ANKRD45: variants seen among roughly 807,000 people sequenced by gnomAD.
The protein encoded by ANKRD45 is ankyrin repeat domain 45.
A neutral mutation model predicts 28.1 loss-of-function variants in ANKRD45; 21 were observed. That is an observed-to-expected ratio of 0.75 (90% CI 0.53 to 1.08). ANKRD45 has a LOEUF of 1.08. ANKRD45 is among the 50% of genes least tolerant of loss of function. The pLI is 0.00. For synonymous variants in ANKRD45, 86 were observed against 103.9 expected (o/e 0.83, Z 1.05); for missense variants, 261 against 308.7 (o/e 0.85, Z 1.16).
rs1667059646 is a variant in ANKRD45, at chr1:173,609,629, G to C, written c.*516C>G. 6.5e-6 allele frequency: 1 copy of C among 152,898 alleles called. No homozygotes were observed. The highest frequency in any genetic ancestry group is 2.4e-5 in the African/African-American group (1 of 41,432). The allele number at this position is 152,898 out of a possible 1,614,324, so 9.5% of individuals were successfully genotyped here. A position where few individuals can be genotyped will look rare whatever the true frequency, so the allele number is the denominator to read the frequency against. ...AGAAGGAGGTCAAAGATAAAGAGGG[G>C]TTTTACTCAGAGGTATACCCCACCT... On this transcript the variant is annotated 3_prime_UTR_variant, in exon 6 of 6. Coordinates refer to ENST00000333279, the MANE Select transcript of ANKRD45 (RefSeq NM_198493.3).
At chr1:173,622,320 T>C (rs1275379184) in intron 5 of ANKRD45, among the ~76,000 whole-genome samples, 2 of 152,068 alleles carry the variant, frequency 1.3e-5, no homozygotes, top group African/African-American at 4.8e-5. Flanking sequence ...AAAATTCATA[T>C]GGAATAAAAA....
At chr1:173,637,064 T>G in intron 3 of ANKRD45, 1 of 1,358,072 alleles carries the variant, frequency 7.4e-7, no homozygotes, top group Non-Finnish European at 1.0e-6. Context: ...TGTAGCTTAG[T>G]CAATTATAGA....
chr1:173,647,387 G>A (rs967878441), intron 2 of ANKRD45, among the ~76,000 whole-genome samples: 2 of 152,132 alleles, frequency 1.3e-5, no homozygotes, highest in Admixed American at 6.5e-5. Context: ...AACTGGACCT[G>A]TGATTTTAAA....
intron 5 of ANKRD45, among the ~76,000 whole-genome samples, chr1:173,613,636 C>A (rs369321135): frequency 6.8e-6 from 1 of 147,932 alleles, no homozygotes; most frequent in Non-Finnish European, 1.5e-5. Flanking sequence ...CTGCCCCGTC[C>A]GGGAGGGAGG....
chr1:173,689,838 T>G, the ANKRD45 span, among the ~76,000 whole-genome samples: 1 of 152,124 alleles, frequency 6.6e-6, no homozygotes, highest in Non-Finnish European at 1.5e-5. Flanking sequence ...AATGTTTTCA[T>G]CAGGAGGGTG....
At chr1:173,636,964 T>A in intron 3 of ANKRD45, 1 of 1,535,718 alleles carries the variant, frequency 6.5e-7, no homozygotes, top group Non-Finnish European at 8.7e-7. Flanking sequence ...GGTCTCACCA[T>A]CCTTCCTCTA....
At chr1:173,700,060 T>C in the ANKRD45 span, among the ~76,000 whole-genome samples, 2 of 152,154 alleles carry the variant, frequency 1.3e-5, no homozygotes, top group African/African-American at 2.4e-5. Context: ...ACGTGTGACT[T>C]CCCATTCACA....
intron 3 of ANKRD45, among the ~76,000 whole-genome samples, chr1:173,641,854 A>T (rs1270035909): frequency 6.6e-6 from 1 of 152,200 alleles, no homozygotes; most frequent in Non-Finnish European, 1.5e-5. Context: ...GTGGTTAACT[A>T]CATATCTATA....
chr1:173,648,666 G>C (rs966938137), intron 2 of ANKRD45, among the ~76,000 whole-genome samples: 1 of 152,136 alleles, frequency 6.6e-6, no homozygotes, highest in African/African-American at 2.4e-5. Flanking sequence ...ATATTTTAGA[G>C]TGTATCATCA....
At chr1:173,626,030 T>C (rs1667921278) in intron 4 of ANKRD45, among the ~76,000 whole-genome samples, 1 of 152,164 alleles carries the variant, frequency 6.6e-6, no homozygotes, top group Non-Finnish European at 1.5e-5. Context: ...GTCAGGAAAA[T>C]TTTGCTTTGC....
At chr1:173,641,424 C>T (rs1571736985) in intron 3 of ANKRD45, among the ~76,000 whole-genome samples, 1 of 152,182 alleles carries the variant, frequency 6.6e-6, no homozygotes, top group East Asian at 1.9e-4. Flanking sequence ...CACTGAGGGT[C>T]AGGCCCAGAG....
the ANKRD45 span, among the ~76,000 whole-genome samples, chr1:173,704,076 G>C: frequency 6.6e-6 from 1 of 152,212 alleles, no homozygotes; most frequent in African/African-American, 2.4e-5. Flanking sequence ...AAGTGGGGCT[G>C]ATCTTGAAAG....
intron 3 of ANKRD45, among the ~76,000 whole-genome samples, chr1:173,643,607 G>T (rs1466851426): frequency 6.6e-6 from 1 of 152,004 alleles, no homozygotes; most frequent in Non-Finnish European, 1.5e-5. Context: ...AATGATTATA[G>T]ATTAATGTTT....
At chr1:173,656,265 T>C (rs1669507103) in intron 2 of ANKRD45, among the ~76,000 whole-genome samples, 1 of 152,248 alleles carries the variant, frequency 6.6e-6, no homozygotes, top group Non-Finnish European at 1.5e-5. Flanking sequence ...ACCATTCTTT[T>C]GTCAGACTTA....
At chr1:173,652,650 G>A (rs1669287089) in intron 2 of ANKRD45, among the ~76,000 whole-genome samples, 1 of 152,140 alleles carries the variant, frequency 6.6e-6, no homozygotes, top group Non-Finnish European at 1.5e-5. Context: ...TCTATTGATT[G>A]GAATAGTTTC....
At chr1:173,622,271 G>C (rs924036660) in intron 5 of ANKRD45, among the ~76,000 whole-genome samples, 3 of 152,024 alleles carry the variant, frequency 2.0e-5, no homozygotes, top group East Asian at 1.9e-4. Flanking sequence ...CCATTAAACT[G>C]TCATTGACAT....
Position 173,624,898 on chromosome 1 carries a change from T to A in ANKRD45, c.619A>T (p.Lys207Ter), listed in dbSNP as rs1200508512. The change falls in exon 5 of 6, where the codon AAA (lysine) becomes TAA (stop). Residue 207 changes from lysine (K) to a stop codon, truncating the protein, a stop_gained. Coordinates refer to ENST00000333279, the MANE Select transcript of ANKRD45 (RefSeq NM_198493.3). LOFTEE classifies it high-confidence loss of function. The stretch of plus-strand genomic sequence containing the variant: ...GTATGGGTTTCCAACCACTCATTTT[T>A]TGCACGGCATGCACTGAGGATGGTA... Reference protein sequence around the residue: ...KNTILSACRAKNEWLETHTEA... With the variant: ...KNTILSACRA 6.2e-7 allele frequency: 1 copy of A among 1,613,878 alleles called. No individual in the cohort carries two copies. Among genetic ancestry groups the A allele is most frequent in the East Asian group, 2.2e-5 (1 of 44,854 alleles).
At chr1:173,658,184 C>T (rs1014848466) in intron 2 of ANKRD45, 14 of 174,114 alleles carry the variant, frequency 8.0e-5, no homozygotes, top group Admixed American at 2.4e-4. Flanking sequence ...ATTAGCCAGG[C>T]GTGGTGACCC....
intron 3 of ANKRD45, among the ~76,000 whole-genome samples, chr1:173,632,271 C>T (rs1159381533): frequency 6.6e-6 from 1 of 151,740 alleles, no homozygotes; most frequent in Admixed American, 6.6e-5. Context: ...CACATACAAC[C>T]TGCAAGTTTA....
Sources: gnomAD v4.1 joint callset for allele counts (sites outside exome capture counted in the v4.1 genomes callset) on GRCh38, gnomAD v4.1.1 for gene constraint, MANE v1.5 for transcripts, NCBI Gene and HGNC (gene_info 2026-07-23, HGNC 2026-07-21) for gene names.